The following EIF2A variants were observed in gnomAD, a reference collection of about 807,000 sequenced individuals.
EIF2A encodes 65 kDa eukaryotic translation initiation factor 2A.
Under a neutral mutation model 75.2 loss-of-function variants are expected in EIF2A, and 62 were observed. The ratio of observed to expected loss-of-function variants is 0.82; its 90% confidence interval spans 0.67 to 1.02. The LOEUF (loss-of-function observed/expected upper bound fraction) is 1.02. Ranked by LOEUF, EIF2A falls within the 50% of genes least tolerant of loss-of-function variation. The pLI, the probability that EIF2A is intolerant of heterozygous loss-of-function variation, is 0.00. For missense variants in EIF2A, 611 were observed against 677.7 expected (o/e 0.90, Z 1.09); for synonymous variants, 207 against 239.0 (o/e 0.87, Z 1.23).
intron 2 of EIF2A, among the ~76,000 whole-genome samples, chr3:150,555,415 C>G (rs1476204246): frequency 6.6e-6 from 1 of 152,020 alleles, no homozygotes; most frequent in Non-Finnish European, 1.5e-5. Flanking sequence ...TGCTACCACA[C>G]CTGGCTAAAT....
chr3:150,580,735 G>T (rs543903819), intron 11 of EIF2A, among the ~76,000 whole-genome samples: 1 of 152,130 alleles, frequency 6.6e-6, no homozygotes, highest in African/African-American at 2.4e-5. Context: ...CTGCACTTTG[G>T]GACCATTATT....
At chr3:150,564,256 GTC>G in intron 5 of EIF2A, 41 bp from the exon 6 acceptor site, 12 of 1,420,586 alleles carry the variant, frequency 8.4e-6, no homozygotes, top group Non-Finnish European at 1.1e-5. Flanking sequence ...GTTACATTCT[GTC>G]TGAATATTTT....
intron 11 of EIF2A, 87 bp downstream of exon 11, chr3:150,575,849 GA>G: frequency 8.9e-7 from 1 of 1,123,756 alleles, no homozygotes; most frequent in Non-Finnish European, 1.2e-6. Flanking sequence ...AGCACTTTGG[GA>G]GGCTGAGGCG....
In EIF2A at chr3:150,562,756, A is replaced by G. The variant is rs982736657; in HGVS notation, c.292+96A>G. 9.7e-6 allele frequency: 8 copies of G among 825,956 alleles called. No individual in the cohort carries two copies. In the Middle Eastern group the frequency reaches 1.2e-3, roughly 120 times the overall value. The allele number at this position is 825,956 out of a possible 1,614,324, so 51.2% of individuals were successfully genotyped here. ...AAGTTTATAACCTCATAAGAAAGTA[A>G]TTAGTCTTTATGATAGTAAATAGTG... is the stretch of plus-strand genomic sequence containing the variant. On this transcript the variant is annotated intron_variant, in intron 4 of 13. Transcript: ENST00000460851.
At chr3:150,562,909 C>G in intron 4 of EIF2A, 1 of 257,924 alleles carries the variant, frequency 3.9e-6, no homozygotes, top group South Asian at 6.2e-5. Flanking sequence ...AGAAAAAGCT[C>G]AAGGGAAAAT....
intron 1 of EIF2A, chr3:150,547,053 C>G (rs1208324717): frequency 1.0e-5 from 6 of 589,382 alleles, no homozygotes; most frequent in African/African-American, 1.9e-5. Flanking sequence ...ATCCATCATT[C>G]TTGCCTGCGG....
At chr3:150,557,148 G>T (rs1177652131) in intron 2 of EIF2A, among the ~76,000 whole-genome samples, 1 of 152,134 alleles carries the variant, frequency 6.6e-6, no homozygotes, top group Non-Finnish European at 1.5e-5. Context: ...TAATTTAGAT[G>T]ATAGCCTAGT....
At chr3:150,569,801 G>A (rs1258946691) in intron 9 of EIF2A, among the ~76,000 whole-genome samples, 1 of 151,568 alleles carries the variant, frequency 6.6e-6, no homozygotes, top group Non-Finnish European at 1.5e-5. Context: ...CTGACAGGGT[G>A]AGACTCTGTC....
intron 3 of EIF2A, among the ~76,000 whole-genome samples, chr3:150,561,905 C>T (rs1272461310): frequency 6.6e-6 from 1 of 151,158 alleles, no homozygotes; most frequent in African/African-American, 2.4e-5. Flanking sequence ...ATTACAGGTG[C>T]CCACTGCCAC....
Position 150,547,600 on chromosome 3 carries a change from G to C in EIF2A, c.28+770G>C, listed in dbSNP as rs11918829. 8.9e-3 allele frequency among the ~76,000 whole-genome samples: 1,347 copies of C among 152,158 alleles called. 17 individuals are homozygous for C. The highest frequency in any genetic ancestry group is 0.015 in the Non-Finnish European group (994 of 67,992). On this transcript the variant is annotated intron_variant, in intron 1 of 13. Transcript: ENST00000460851. ...GAGTCGGGAAGGAAAAGAAGGTTTT[G>C]GTTAAGTTCTGATAACTATATAGAA...
Position 150,563,602 on chromosome 3 carries a change from A to T in EIF2A, c.380A>T (p.Lys127Ile). Residue 127 changes from lysine (K) to isoleucine (I), a missense_variant, in exon 5 of 14, where the codon AAA becomes ATA. Coordinates refer to ENST00000460851, the MANE Select transcript of EIF2A (RefSeq NM_032025.5). ...GTCLKSFIQK[K>I]MQNWCPSWSE... ...TGTTTGAAATCTTTCATCCAGAAAA[A>T]AATGCAAAATTGGTAAATAAATGGC... 1 of 1,531,354 alleles carries T rather than the reference A, an allele frequency of 6.5e-7. No homozygotes were observed. The highest frequency in any genetic ancestry group is 1.3e-5 in the South Asian group (1 of 78,804). The allele number at this position is 1,531,354 out of a possible 1,614,324, so 94.9% of individuals were successfully genotyped here. A position where few individuals can be genotyped will look rare whatever the true frequency, so the allele number is the denominator to read the frequency against.
At chr3:150,566,579 T>C (rs576053426) in intron 6 of EIF2A, 2 of 152,318 alleles carry the variant, frequency 1.3e-5, no homozygotes, top group East Asian at 3.9e-4. Context: ...TATAGTTTTA[T>C]TTAAATTGAA....
intron 10 of EIF2A, 35 bp downstream of exon 10, chr3:150,572,564 T>C: frequency 6.4e-7 from 1 of 1,556,702 alleles, no homozygotes; most frequent in Non-Finnish European, 8.7e-7. Context: ...TAGAAAAAAG[T>C]TTATTTTGGG....
chr3:150,584,686 CAG>C lies in EIF2A; in HGVS notation c.*779_*780del, dbSNP rs1725372450. On this transcript the variant is annotated 3_prime_UTR_variant, in exon 14 of 14. Coordinates refer to ENST00000460851, the MANE Select transcript of EIF2A (RefSeq NM_032025.5). ...TACTGTTATATACATGTATTTTTAT[CAG>C]AGATGGGTTATGTACTTTTCCACGT... Among the ~76,000 whole-genome samples, 1 of 152,126 alleles carries C rather than the reference CAG, an allele frequency of 6.6e-6. No homozygotes were observed. The highest frequency in any genetic ancestry group is 2.4e-5 in the African/African-American group (1 of 41,430).
chr3:150,553,785 T>G (rs1014493453), intron 2 of EIF2A, among the ~76,000 whole-genome samples: 10 of 152,222 alleles, frequency 6.6e-5, no homozygotes, highest in Admixed American at 3.3e-4. Flanking sequence ...TTAATTGTAT[T>G]AATGTTGTTA....
chr3:150,568,751 A>G (rs73169833), intron 9 of EIF2A, among the ~76,000 whole-genome samples: 16,898 of 152,060 alleles, frequency 0.11, 1,217 homozygotes, highest in Non-Finnish European at 0.16. Context: ...CCCTACCTCT[A>G]CAAAAAATAG....
chr3:150,565,241 G>A (rs1279537832), intron 6 of EIF2A: 1 of 456,434 alleles, frequency 2.2e-6, no homozygotes, highest in East Asian at 7.0e-5. Flanking sequence ...GTAAGGGTAA[G>A]ACTACATTAT....
At chr3:150,560,716 C>CTTTTTTTTTTTTTTTTTT (rs71138455) in intron 3 of EIF2A, among the ~76,000 whole-genome samples, 2 of 120,680 alleles carry the variant, frequency 1.7e-5, no homozygotes, top group Non-Finnish European at 3.4e-5. Flanking sequence ...GATGGAGAGT[C>CTTTTTTTTTTTTTTTTTT]TTTTTTTTTT....
At position 150,575,644 on chromosome 3, in the gene EIF2A, C is replaced by T. The variant is rs780302193; in HGVS notation, c.1384-5C>T. ...CATTTCAAAATTATTTTACATTTTCCATAGCATGAAGAGGAACCACCTCAG... is the reference window on the plus strand; with the variant it reads ...CATTTCAAAATTATTTTACATTTTCTATAGCATGAAGAGGAACCACCTCAG... On this transcript the variant is annotated splice_region_variant and splice_polypyrimidine_tract_variant and intron_variant, in intron 10 of 13. Coordinates refer to ENST00000460851, the MANE Select transcript of EIF2A (RefSeq NM_032025.5). 11 of 1,594,920 alleles carry T rather than the reference C, an allele frequency of 6.9e-6. No homozygotes were observed. The East Asian group carries it at 1.1e-4, about 16-fold the overall frequency.
Sources: allele counts gnomAD v4.1 joint callset (sites outside exome capture counted in the v4.1 genomes callset), GRCh38; gene constraint gnomAD v4.1.1; transcripts MANE v1.5; gene names NCBI Gene and HGNC (gene_info 2026-07-23, HGNC 2026-07-21).